The following CEP128 variants were observed in gnomAD, a reference collection of about 807,000 sequenced individuals.
CEP128 encodes centrosomal protein 128, also known as centrosomal protein 128kDa.
Under a neutral mutation model 156.7 loss-of-function variants are expected in CEP128, and 132 were observed. That is an observed-to-expected ratio of 0.84 (90% CI 0.73 to 0.97). The LOEUF is 0.97. CEP128 is among the 50% of genes least tolerant of loss of function. The pLI, the probability that CEP128 is intolerant of heterozygous loss-of-function variation, is 0.00. For missense variants in CEP128, 1,252 were observed against 1,281.9 expected (o/e 0.98, Z 0.36); for synonymous variants, 469 against 448.9 (o/e 1.04, Z -0.57).
intron 20 of CEP128, among the ~76,000 whole-genome samples, chr14:80,567,425 A>G (rs1199799228): frequency 6.6e-6 from 1 of 152,284 alleles, no homozygotes; most frequent in African/African-American, 2.4e-5. Context: ...ATGCAGCCTG[A>G]GCGGCAAGGT....
chr14:80,880,070 G>A (rs1888459907), intron 8 of CEP128, among the ~76,000 whole-genome samples: 1 of 152,062 alleles, frequency 6.6e-6, no homozygotes, highest in African/African-American at 2.4e-5. Flanking sequence ...AACACTGATG[G>A]AAATCTTCAA....
At chr14:80,888,741 T>C (rs992226299) in intron 8 of CEP128, among the ~76,000 whole-genome samples, 1 of 152,058 alleles carries the variant, frequency 6.6e-6, no homozygotes. Context: ...GCCCTCTCTC[T>C]CCACTCCTAT....
At chr14:80,617,219 C>CTTTTT (rs3069115) in intron 19 of CEP128, among the ~76,000 whole-genome samples, 4,277 of 60,046 alleles carry the variant, frequency 0.071, 1,526 homozygotes, top group Non-Finnish European at 0.093. Flanking sequence ...TGAATATCAT[C>CTTTTT]TTTTTTTTTT....
intron 2 of CEP128, among the ~76,000 whole-genome samples, chr14:80,931,522 A>C (rs1194187965): frequency 6.6e-6 from 1 of 152,224 alleles, no homozygotes; most frequent in East Asian, 1.9e-4. Flanking sequence ...GGCTTTCTAA[A>C]GGTAGATCAC....
intron 23 of CEP128, among the ~76,000 whole-genome samples, chr14:80,510,796 GT>G (rs1179828276): frequency 1.3e-5 from 2 of 151,222 alleles, no homozygotes; most frequent in East Asian, 1.9e-4. Context: ...TAAAACCTGA[GT>G]TTTTTGAGGG....
chr14:80,682,289 A>C (rs1043292014), intron 19 of CEP128, among the ~76,000 whole-genome samples: 1 of 152,232 alleles, frequency 6.6e-6, no homozygotes, highest in African/African-American at 2.4e-5. Flanking sequence ...GAAAAACTCA[A>C]AGAATTTCAA....
rs73330577 is a variant in CEP128 at position 80,654,361 on chromosome 14, T to C, written c.2807-73938A>G. Among the ~76,000 whole-genome samples, 475 of 152,260 alleles carry C rather than the reference T, an allele frequency of 3.1e-3. 1 individual carries two copies. Among genetic ancestry groups the C allele is most frequent in the African/African-American group, 0.01 (429 of 41,570 alleles). On this transcript the variant is annotated intron_variant, in intron 19 of 24. Coordinates refer to ENST00000555265, the MANE Select transcript of CEP128 (RefSeq NM_152446.5). ...AAGGGCTTGGGAGATACAGTTTTTATTTTGTCGTTTAGCTGAAATTCAGGA... is the reference window on the plus strand; with the variant it reads ...AAGGGCTTGGGAGATACAGTTTTTACTTTGTCGTTTAGCTGAAATTCAGGA...
Position 80,482,967 on chromosome 14 carries a change from C to A in CEP128, c.*311-4560G>T, listed in dbSNP as rs141710691. Among the ~76,000 whole-genome samples the A allele has an allele frequency of 3.6e-3, 553 of 152,290 alleles. 1 individual carries two copies. Among genetic ancestry groups the A allele is most frequent in the African/African-American group, 0.013 (520 of 41,560 alleles). The stretch of plus-strand genomic sequence containing the variant: ...GATCACTGGTGGGATGAATAGGCAA[C>A]CAAACCACAATCGGCTTGTACATTA... On this transcript the variant is annotated intron_variant and NMD_transcript_variant, in intron 14 of 14. Transcript: ENST00000554502.
downstream of CEP128, among the ~76,000 whole-genome samples, chr14:80,492,457 C>A (rs866433943): frequency 6.6e-6 from 1 of 152,218 alleles, no homozygotes; most frequent in Middle Eastern, 3.4e-3. Flanking sequence ...CGACTCTAGC[C>A]CACAGGCTGG....
At chr14:80,872,945 C>G (rs1206484176) in intron 8 of CEP128, among the ~76,000 whole-genome samples, 3 of 152,126 alleles carry the variant, frequency 2.0e-5, no homozygotes, top group African/African-American at 7.2e-5. Flanking sequence ...TTAATCAGGA[C>G]TATACACACC....
intron 19 of CEP128, among the ~76,000 whole-genome samples, chr14:80,729,369 T>G (rs902423511): frequency 1.6e-5 from 2 of 125,282 alleles, no homozygotes; most frequent in Non-Finnish European, 3.4e-5. Flanking sequence ...TTGAGTAGTA[T>G]TCTATGGTAT....
At chr14:80,867,313 A>G (rs531456108) in intron 8 of CEP128, among the ~76,000 whole-genome samples, 1 of 152,340 alleles carries the variant, frequency 6.6e-6, no homozygotes, top group Admixed American at 6.5e-5. Flanking sequence ...AAGTGAGACT[A>G]CTGAAGATTT....
At position 80,785,541 on chromosome 14, in the gene CEP128, A is replaced by G. The variant is rs760062154; in HGVS notation, c.1565T>C (p.Leu522Ser). 1 of 1,600,102 alleles carries G rather than the reference A, an allele frequency of 6.2e-7. No homozygotes were observed. Among genetic ancestry groups the G allele is most frequent in the South Asian group, 1.1e-5 (1 of 88,676 alleles). ...GGTTTTCAATTCATCCTTTTCTTTT[A>G]AAATCTATCAGGTTAAGAACATGAA... The part of the protein sequence containing the change: ...DELTGKNNQI[L>S]KEKDELKTQL... The change falls in exon 15 of 25, where the codon TTA becomes TCA. Residue 522 changes from leucine (L) to serine (S), a missense_variant. Coordinates refer to ENST00000555265, the MANE Select transcript of CEP128 (RefSeq NM_152446.5).
At chr14:80,790,866 A>T (rs922070117) in intron 14 of CEP128, among the ~76,000 whole-genome samples, 1 of 152,162 alleles carries the variant, frequency 6.6e-6, no homozygotes, top group African/African-American at 2.4e-5. Context: ...TCATATGATC[A>T]TATAAAATGA....
At chr14:80,661,716 G>A (rs1895410157) in intron 19 of CEP128, among the ~76,000 whole-genome samples, 2 of 152,060 alleles carry the variant, frequency 1.3e-5, no homozygotes, top group South Asian at 4.1e-4. Context: ...TAGGCAGTTG[G>A]ACTTCAAATA....
intron 2 of CEP128, among the ~76,000 whole-genome samples, chr14:80,936,799 T>A (rs979884327): frequency 6.6e-6 from 1 of 152,280 alleles, no homozygotes; most frequent in Non-Finnish European, 1.5e-5. Context: ...TTTCACTAAA[T>A]AATTACAAAT....
intron 19 of CEP128, 120 bp downstream of exon 19, chr14:80,742,955 A>C (rs150602815): frequency 1.2e-6 from 1 of 809,558 alleles, no homozygotes; most frequent in East Asian, 2.5e-5. Context: ...AAGACAAGAA[A>C]AGGAGATGGG....
intron 21 of CEP128, among the ~76,000 whole-genome samples, chr14:80,557,864 C>A (rs142257903): frequency 3.9e-4 from 60 of 152,008 alleles, no homozygotes; most frequent in African/African-American, 1.4e-3. Context: ...AAAATCACTA[C>A]GACTAAGATA....
intron 2 of CEP128, among the ~76,000 whole-genome samples, chr14:80,926,406 C>T (rs1304408604): frequency 6.6e-6 from 1 of 152,164 alleles, no homozygotes; most frequent in Non-Finnish European, 1.5e-5. Context: ...CTTGTGGATT[C>T]TTCTGTGCAG....
Sources: gnomAD v4.1 joint callset for allele counts (sites outside exome capture counted in the v4.1 genomes callset) on GRCh38, gnomAD v4.1.1 for gene constraint, MANE v1.5 for transcripts, NCBI Gene and HGNC (gene_info 2026-07-23, HGNC 2026-07-21) for gene names.